The following MFRP variants were observed in gnomAD, a reference collection of about 807,000 sequenced individuals.
MFRP encodes the protein C1q and TNF related 5.
MFRP carries 74 observed loss-of-function variants against 65.8 expected under a neutral mutation model. That is an observed-to-expected ratio of 1.12 (90% CI 0.93 to 1.36). The LOEUF (loss-of-function observed/expected upper bound fraction) is 1.36. MFRP is among the 40% of genes most tolerant of loss of function. The probability of loss-of-function intolerance (pLI) is 0.00; values close to 1 mark genes in which losing one functional copy is unlikely to be tolerated. For missense variants in MFRP, 838 were observed against 736.0 expected, an observed-to-expected ratio of 1.14 and a Z score of -1.60; for synonymous variants, 336 against 288.3, an observed-to-expected ratio of 1.17 and a Z score of -1.68.
Position 119,345,479 on chromosome 11 carries a change from C to CTTTATG in MFRP, c.581_582insCATAAA (p.Val194_Ala195insIleLys). ...CCAAGCGATCAAAAAGGCAAGAGGC[C>CTTTATG]ACACTCTCTATGCTGAGGGCTTCGA... On this transcript the variant is annotated inframe_insertion, in exon 5 of 15. Coordinates refer to ENST00000619721, the MANE Select transcript of MFRP (RefSeq NM_031433.4). The CTTTATG allele has an allele frequency of 6.2e-7, 1 of 1,614,076 alleles. No homozygotes were observed.
chr11:119,342,857 G>T lies in MFRP; in HGVS notation c.1255+16C>A, dbSNP rs370286787. On this transcript the variant is annotated intron_variant, in intron 10 of 14. Transcript: ENST00000619721. The stretch of plus-strand genomic sequence containing the variant: ...GTGCCTCTACTGCCCCCACCCACTT[G>T]CCCAGGGGCACCTACTCTCCGTGGC... 58 of 1,613,044 alleles carry T rather than the reference G, an allele frequency of 3.6e-5. No homozygotes were observed. Among genetic ancestry groups the T allele is most frequent in the Middle Eastern group, 3.3e-4 (2 of 6,030 alleles).
chr11:119,340,535 C>T, intron 13 of MFRP, 95 bp from the exon 14 acceptor site: 4 of 921,344 alleles, frequency 4.3e-6, no homozygotes, highest in Non-Finnish European at 4.9e-6. Flanking sequence ...CACCCCACTG[C>T]CGTGCCCCTG....
intron 9 of MFRP, 68 bp downstream of exon 9, chr11:119,343,748 G>A (rs1192315807): frequency 6.3e-6 from 10 of 1,593,152 alleles, no homozygotes; most frequent in Admixed American, 1.7e-5. Flanking sequence ...GTGCTGGGCC[G>A]ACATGGAAGC....
At position 119,345,462 on chromosome 11, in the gene MFRP, T is replaced by C; in HGVS notation, c.599A>G (p.Asp200Gly). The C allele has an allele frequency of 6.2e-7, 1 of 1,613,808 alleles. No individual in the cohort carries two copies. Among genetic ancestry groups the C allele is most frequent in the Non-Finnish European group, 8.5e-7 (1 of 1,179,982 alleles). ...SIESVASCLF[D>G]RLELSPEPEG... ...AGGCTCAGGGGAGAGTTCCAAGCGA[T>C]CAAAAAGGCAAGAGGCCACACTCTC... The change falls in exon 5 of 15, where the codon GAT becomes GGT. Residue 200 changes from aspartate (D) to glycine (G), a missense_variant. Asp to Gly is a moderately conservative substitution (Grantham distance 94, BLOSUM62 -1). Coordinates refer to ENST00000619721, the MANE Select transcript of MFRP (RefSeq NM_031433.4).
At chr11:119,340,620 CTCCCACCGCCGGCCCGCGCCAGCCTT>C (rs1277961153) in intron 13 of MFRP, 49 bp downstream of exon 13, 1 of 555,418 alleles carries the variant, frequency 1.8e-6, no homozygotes, top group Non-Finnish European at 3.2e-6. Context: ...CCAGCCCTCC[CTCCCACCGCCGGCCCGCGCCAGCCTT>C]TCCCACAGTC....
In MFRP at chr11:119,344,617, A is replaced by G. The variant is rs745513112; in HGVS notation, c.898+15T>C. 3 of 1,613,948 alleles carry G rather than the reference A, an allele frequency of 1.9e-6. No homozygotes were observed. The highest frequency in any genetic ancestry group is 2.5e-6 in the Non-Finnish European group (3 of 1,180,018). ...TCAGACGCCTGAAGAGAGGACCCCC[A>G]TGCCTGGCCCGTACCCGAGAACTTG... On this transcript the variant is annotated intron_variant, in intron 7 of 14. Coordinates refer to ENST00000619721, the MANE Select transcript of MFRP (RefSeq NM_031433.4).
In MFRP at chr11:119,342,575, C is replaced by T. The variant is rs910703854; in HGVS notation, c.1387+21G>A. On this transcript the variant is annotated intron_variant, in intron 11 of 14. Transcript: ENST00000619721. ...GGTGGGCACCCAGCCTGCTCAGGGT[C>T]CCCAGGGGCAGGCTTCTCACCTGGG... 7 of 1,612,160 alleles carry T rather than the reference C, an allele frequency of 4.3e-6. No individual in the cohort carries two copies. The African/African-American group carries it at 6.7e-5, about 15-fold the overall frequency.
intron 5 of MFRP, 120 bp downstream of exon 5, chr11:119,345,300 C>T (rs1950550451): frequency 9.5e-7 from 1 of 1,047,590 alleles, no homozygotes; most frequent in South Asian, 1.4e-5. Flanking sequence ...AGAGCTGGGC[C>T]CAGAGGTCTA....
Position 119,340,358 on chromosome 11 carries a change from C to T in MFRP, c.*936G>A. On this transcript the variant is annotated 3_prime_UTR_variant, in exon 14 of 15. Coordinates refer to ENST00000619721, the MANE Select transcript of MFRP (RefSeq NM_031433.4). The stretch of plus-strand genomic sequence containing the variant: ...TTGTCGTCCAGTGGGGGCGAGCCGG[C>T]CGCCAGGCCCAGGAGCAGCAGGACG... The T allele has an allele frequency of 6.5e-7, 1 of 1,543,932 alleles. No homozygotes were observed. Among genetic ancestry groups the T allele is most frequent in the Non-Finnish European group, 8.7e-7 (1 of 1,145,454 alleles).
Position 119,346,083 on chromosome 11 carries a change from G to A in MFRP, c.234C>T (p.Leu78=), listed in dbSNP as rs1314200924. The A allele has an allele frequency of 6.2e-7, 1 of 1,610,228 alleles. No individual in the cohort carries two copies. Among genetic ancestry groups the A allele is most frequent in the Non-Finnish European group, 8.5e-7 (1 of 1,178,320 alleles). Residue 78 remains leucine, a synonymous_variant, in exon 3 of 15, where the codon CTC becomes CTT. Coordinates refer to ENST00000619721, the MANE Select transcript of MFRP (RefSeq NM_031433.4). ...LCVLLLSSLL[L]LLLGLLVAII... ...TGGCCACCAGCAGCCCAAGCAGCAGGAGGAGCAGGCTGGAGAGCAGGAGGA... is the reference window on the plus strand; with the variant it reads ...TGGCCACCAGCAGCCCAAGCAGCAGAAGGAGCAGGCTGGAGAGCAGGAGGA...
chr11:119,346,257 C>T lies in MFRP; in HGVS notation c.157+15G>A. ...CCTCTCTGTCCTCCCCCAGGTCACC[C>T]CCTGGGATGGTTACCATGCCAGGGA... On this transcript the variant is annotated intron_variant, in intron 2 of 14. Transcript: ENST00000619721. The T allele has an allele frequency of 6.2e-7, 1 of 1,601,592 alleles. No individual in the cohort carries two copies. Among genetic ancestry groups the T allele is most frequent in the Non-Finnish European group, 8.5e-7 (1 of 1,172,244 alleles).
At position 119,340,806 on chromosome 11, in the gene MFRP, G is replaced by A; in HGVS notation, c.*742C>T. Reference sequence around the variant, plus strand: ...TCCCCGGCCAGGCGCCCCCTGCCCTGCCGTCACCCCAGTCCTGGTTCGCTC... The same window carrying A: ...TCCCCGGCCAGGCGCCCCCTGCCCTACCGTCACCCCAGTCCTGGTTCGCTC... On this transcript the variant is annotated 3_prime_UTR_variant, in exon 13 of 15. Coordinates refer to ENST00000619721, the MANE Select transcript of MFRP (RefSeq NM_031433.4). 4.0e-6 allele frequency: 1 copy of A among 251,516 alleles called. No individual in the cohort carries two copies. Among genetic ancestry groups the A allele is most frequent in the Non-Finnish European group, 7.7e-6 (1 of 130,498 alleles). 15.6% of individuals were successfully genotyped at this position (251,516 alleles called of 1,614,324 possible).
Position 119,340,278 on chromosome 11 carries a change from G to A in MFRP, c.*1016C>T. 6.5e-7 allele frequency: 1 copy of A among 1,528,642 alleles called. No homozygotes were observed. The highest frequency in any genetic ancestry group is 8.8e-7 in the Non-Finnish European group (1 of 1,139,844). The allele number at this position is 1,528,642 out of a possible 1,614,324, so 94.7% of individuals were successfully genotyped here. On this transcript the variant is annotated 3_prime_UTR_variant, in exon 14 of 15. Coordinates refer to ENST00000619721, the MANE Select transcript of MFRP (RefSeq NM_031433.4). ...GGCCCGGCAAGCCCTGGCTGCCATGGTGGCCCGGCGTGCCTGGAAGGCCGG... is the reference window on the plus strand; with the variant it reads ...GGCCCGGCAAGCCCTGGCTGCCATGATGGCCCGGCGTGCCTGGAAGGCCGG...
In MFRP at chr11:119,346,137, C is replaced by T. The variant is rs1271616118; in HGVS notation, c.180G>A (p.Arg60=). 1 of 1,599,366 alleles carries T rather than the reference C, an allele frequency of 6.3e-7. No homozygotes were observed. Among genetic ancestry groups the T allele is most frequent in the Non-Finnish European group, 8.5e-7 (1 of 1,172,754 alleles). ...AGAGCCAGGAGAAGCGGCAGTCTGG[C>T]CGTAGCCCTCGAGGACGCCGACCTG... ...PWHGRRPRGL[R]PDCRFSWLCV... Residue 60 remains arginine, a synonymous_variant, in exon 3 of 15, where the codon CGG becomes CGA. Coordinates refer to ENST00000619721, the MANE Select transcript of MFRP (RefSeq NM_031433.4).
Position 119,344,620 on chromosome 11 carries a change from C to T in MFRP, c.898+12G>A, listed in dbSNP as rs771910334. ...GACGCCTGAAGAGAGGACCCCCATG[C>T]CTGGCCCGTACCCGAGAACTTGGCA... On this transcript the variant is annotated intron_variant, in intron 7 of 14. Coordinates refer to ENST00000619721, the MANE Select transcript of MFRP (RefSeq NM_031433.4). 3.1e-6 allele frequency: 5 copies of T among 1,614,004 alleles called. No individual in the cohort carries two copies. The highest frequency in any genetic ancestry group is 4.2e-6 in the Non-Finnish European group (5 of 1,180,044).
chr11:119,345,281 G>C, intron 5 of MFRP, 139 bp downstream of exon 5: 1 of 895,498 alleles, frequency 1.1e-6, no homozygotes, highest in Non-Finnish European at 1.8e-6. Context: ...CACACAGCAA[G>C]GTGGTGGCAG....
In MFRP at chr11:119,341,389, C is replaced by T; in HGVS notation, c.*159G>A. On this transcript the variant is annotated 3_prime_UTR_variant, in exon 13 of 15. Coordinates refer to ENST00000619721, the MANE Select transcript of MFRP (RefSeq NM_031433.4). ...GAAGGAGCAGGGAGGGTGGTAGGGT[C>T]CCATGAGCCCCAGCTGAGGACTTCT... 1 of 636,260 alleles carries T rather than the reference C, an allele frequency of 1.6e-6. No individual in the cohort carries two copies. The highest frequency in any genetic ancestry group is 2.7e-6 in the Non-Finnish European group (1 of 368,094). 39.4% of individuals were successfully genotyped at this position (636,260 alleles called of 1,614,324 possible).
Position 119,339,547 on chromosome 11 carries a change from G to T in MFRP, c.*1412C>A, listed in dbSNP as rs779003678. On this transcript the variant is annotated 3_prime_UTR_variant, in exon 15 of 15. Transcript: ENST00000619721. This position sits in a 1 kb window ranked among gnomAD's most constrained non-coding sequence, Gnocchi z 5.4. ...ACTGGAAGAAAGAGGCAATGGATTCGCCATTCTTCACCAGATCAAACTGCA... is the reference window on the plus strand; with the variant it reads ...ACTGGAAGAAAGAGGCAATGGATTCTCCATTCTTCACCAGATCAAACTGCA... The T allele has an allele frequency of 1.2e-6, 2 of 1,613,606 alleles. No homozygotes were observed. The highest frequency in any genetic ancestry group is 1.3e-5 in the African/African-American group (1 of 75,020).
At position 119,339,971 on chromosome 11, in the gene MFRP, G is replaced by A. The variant is rs2069934127; in HGVS notation, c.*1111-123C>T. Reference sequence around the variant, plus strand: ...TGAGCTTCGGCCAGCGCCTCCTCCCGCACGGGTACCTCCTCCACCCCTTCC... The same window carrying A: ...TGAGCTTCGGCCAGCGCCTCCTCCCACACGGGTACCTCCTCCACCCCTTCC... On this transcript the variant is annotated intron_variant, in intron 14 of 14. Coordinates refer to ENST00000619721, the MANE Select transcript of MFRP (RefSeq NM_031433.4). The surrounding 1 kb of genome is among the most constrained non-coding windows in gnomAD (Gnocchi z 5.4). 14 of 1,338,232 alleles carry A rather than the reference G, an allele frequency of 1.0e-5. No homozygotes were observed. The Admixed American group carries it at 4.4e-4, about 42-fold the overall frequency. 82.9% of individuals were successfully genotyped at this position (1,338,232 alleles called of 1,614,324 possible). A position where few individuals can be genotyped will look rare whatever the true frequency, so the allele number is the denominator to read the frequency against.
Sources: allele counts gnomAD v4.1 joint callset, GRCh38; gene constraint gnomAD v4.1.1; non-coding constraint Gnocchi (gnomAD v3.1); transcripts MANE v1.5; gene names NCBI Gene and HGNC (gene_info 2026-07-23, HGNC 2026-07-21).